The following SMARCA1 variants were observed in gnomAD, a reference collection of about 807,000 sequenced individuals.
SMARCA1 encodes SWI/SNF-related matrix-associated actin-dependent regulator of chromatin subfamily A member 1.
In SMARCA1, 17 loss-of-function variants were observed where a neutral mutation model predicts 93.6. The observed-to-expected ratio is 0.18, with a 90% CI of 0.12 to 0.27. SMARCA1 has a LOEUF of 0.27. Among genes scored for constraint, SMARCA1 ranks in the 10% least tolerant of loss-of-function variants. SMARCA1 has a pLI of 1.00. For synonymous variants in SMARCA1, 271 were observed against 271.4 expected, an observed-to-expected ratio of 1.00 and a Z score of 0.01; for missense variants, 630 against 819.0, an observed-to-expected ratio of 0.77 and a Z score of 2.82.
intron 23 of SMARCA1, among the ~76,000 whole-genome samples, chrX:129,461,151 G>A (rs908028149): frequency 9.0e-6 from 1 of 111,038 alleles, no homozygotes; most frequent in Non-Finnish European, 1.9e-5. Flanking sequence ...ACTAATACTC[G>A]GATTCAACTC....
chrX:129,459,368 G>A (rs977518498), intron 23 of SMARCA1, among the ~76,000 whole-genome samples: 2 of 112,014 alleles, frequency 1.8e-5, no homozygotes, highest in Admixed American at 9.4e-5. Flanking sequence ...GCAGTGAACC[G>A]AGATTATGCC....
chrX:129,460,813 T>C (rs1289457626), intron 23 of SMARCA1, among the ~76,000 whole-genome samples: 1 of 112,009 alleles, frequency 8.9e-6, no homozygotes, highest in Admixed American at 9.5e-5. Context: ...CTGACTGGAC[T>C]GATAATTTAT....
At chrX:129,473,968 TAAAC>T (rs1431184341) in intron 19 of SMARCA1, among the ~76,000 whole-genome samples, 2 of 111,896 alleles carry the variant, frequency 1.8e-5, no homozygotes, top group African/African-American at 6.5e-5. Context: ...TAAAAAATCA[TAAAC>T]AAAATATGAC....
intron 20 of SMARCA1, 77 bp downstream of exon 20, chrX:129,471,127 C>A (rs1335723105): frequency 4.7e-6 from 4 of 848,780 alleles, no homozygotes; most frequent in Non-Finnish European, 5.0e-6. Flanking sequence ...TAGGCCCATA[C>A]AATAAAAAGT....
intron 9 of SMARCA1, among the ~76,000 whole-genome samples, chrX:129,501,209 T>C: frequency 8.9e-6 from 1 of 112,225 alleles, no homozygotes; most frequent in African/African-American, 3.2e-5. Context: ...GACTAGCTGT[T>C]GTGAGCCTAG....
chrX:129,456,339 C>A (rs1932621482), intron 23 of SMARCA1, among the ~76,000 whole-genome samples: 1 of 111,763 alleles, frequency 8.9e-6, no homozygotes, highest in Non-Finnish European at 1.9e-5. Context: ...CACCTGGCCA[C>A]CCAAGAGTTC....
chrX:129,506,735 A>G (rs755092410), intron 7 of SMARCA1, among the ~76,000 whole-genome samples: 2 of 105,851 alleles, frequency 1.9e-5, no homozygotes, highest in Non-Finnish European at 3.9e-5. Context: ...TGCAGATCAT[A>G]TTTATACCTG....
intron 20 of SMARCA1, 79 bp downstream of exon 20, chrX:129,471,125 T>C (rs1933099740): frequency 1.9e-5 from 16 of 835,095 alleles, no homozygotes; most frequent in Admixed American, 6.1e-5. Context: ...ACTAGGCCCA[T>C]ACAATAAAAA....
chrX:129,477,271 T>G (rs1447307129), intron 19 of SMARCA1, among the ~76,000 whole-genome samples: 1 of 111,839 alleles, frequency 8.9e-6, no homozygotes, highest in African/African-American at 3.3e-5. Flanking sequence ...AATGTAAATC[T>G]GGGCTGGGCG....
chrX:129,498,599 T>C (rs902886075), intron 10 of SMARCA1, among the ~76,000 whole-genome samples: 8 of 111,363 alleles, frequency 7.2e-5, no homozygotes, highest in African/African-American at 2.6e-4. Context: ...TTATACGAAT[T>C]ATGCCACTAA....
intron 9 of SMARCA1, among the ~76,000 whole-genome samples, chrX:129,503,339 C>A (rs1934638356): frequency 8.9e-6 from 1 of 112,228 alleles, no homozygotes; most frequent in African/African-American, 3.2e-5. Context: ...ACAGAGATGT[C>A]CACTCTGCTA....
rs773890313 is a variant in SMARCA1 at position 129,497,390 on chromosome X, T to C, written c.1504+455A>G. ...AAGGCATGGTTTAAAATACCGTTCATAATTTGGCTCCATCCATCTTTCCAG... is the reference window on the plus strand; with the variant it reads ...AAGGCATGGTTTAAAATACCGTTCACAATTTGGCTCCATCCATCTTTCCAG... On this transcript the variant is annotated intron_variant, in intron 11 of 24. Coordinates refer to ENST00000371121, the MANE Select transcript of SMARCA1 (RefSeq NM_001282874.2). 1.2e-4 allele frequency among the ~76,000 whole-genome samples: 13 copies of C among 111,859 alleles called. No individual in the cohort carries two copies. The South Asian group carries it at 4.9e-3, about 42-fold the overall frequency.
chrX:129,481,668 A>G (rs769452862), intron 17 of SMARCA1, among the ~76,000 whole-genome samples: 41 of 111,768 alleles, frequency 3.7e-4, no homozygotes, highest in Non-Finnish European at 7.2e-4. Context: ...CAATCATTGA[A>G]AAGTCAGGAA....
chrX:129,458,316 G>T lies in SMARCA1; in HGVS notation c.3030+7204C>A, dbSNP rs181456796. On this transcript the variant is annotated intron_variant, in intron 23 of 24. Transcript: ENST00000371121. ...GCTTTCAGGCCACACAAAAACAGGT[G>T]GGGGGCCACAGTTTCCAAGTCCTGT... 2.9e-4 allele frequency among the ~76,000 whole-genome samples: 33 copies of T among 112,297 alleles called. No homozygotes were observed. The East Asian group carries it at 8.9e-3, about 30-fold the overall frequency.
At chrX:129,472,426 TG>T (rs1404250561) in intron 19 of SMARCA1, among the ~76,000 whole-genome samples, 1 of 111,031 alleles carries the variant, frequency 9.0e-6, no homozygotes, top group African/African-American at 3.3e-5. Flanking sequence ...CACATTAGAG[TG>T]CATTTTTCTC....
In SMARCA1 at chrX:129,504,549, T is replaced by TAAAAAAAAAAAAAAAAAAAAAAA. The variant is rs780225300; in HGVS notation, c.1167+162_1167+184dup. ...GAGAGAGGCTGAGGACATAGAGGAATAAAAAAAAAAAAAAAAAAAAAAAAA... is the reference window on the plus strand; with the variant it reads ...GAGAGAGGCTGAGGACATAGAGGAATAAAAAAAAAAAAAAAAAAAAAAAAAAAAAAAAAAAAAAAAAAAAAAAA... On this transcript the variant is annotated intron_variant, in intron 9 of 24. Transcript: ENST00000371121. 2.1e-4 allele frequency among the ~76,000 whole-genome samples: 5 copies of TAAAAAAAAAAAAAAAAAAAAAAA among 24,214 alleles called. 1 individual carries two copies. The highest frequency in any genetic ancestry group is 7.1e-4 in the African/African-American group (5 of 7,010). The allele number at this position is 24,214 out of a possible 115,157, so 21.0% of individuals were successfully genotyped here.
chrX:129,490,188 C>T lies in SMARCA1; in HGVS notation c.1820G>A (p.Arg607Gln). ...TTTCTTCTGACCAATACGATGTGCTCGATCCTAGTAGAAAGAGTTCTAATG... is the reference window on the plus strand; with the variant it reads ...TTTCTTCTGACCAATACGATGTGCTTGATCCTAGTAGAAAGAGTTCTAATG... Reference protein sequence around the residue: ...NPQVDLQAMDRAHRIGQKKPV... With the variant: ...NPQVDLQAMDQAHRIGQKKPV... The change falls in exon 15 of 25, where the codon CGA becomes CAA. Residue 607 changes from arginine (R) to glutamine (Q), a missense_variant. By Grantham distance (43) the Arg-to-Gln change is conservative. This residue lies in a region of SMARCA1 where 382 missense variants were observed against 537.9 expected (regional missense o/e 0.71). Transcript: ENST00000371121. The T allele has an allele frequency of 8.5e-7, 1 of 1,182,643 alleles. No individual in the cohort carries two copies. The highest frequency in any genetic ancestry group is 1.1e-6 in the Non-Finnish European group (1 of 875,515).
At chrX:129,453,103 C>A (rs1456561511) in intron 23 of SMARCA1, among the ~76,000 whole-genome samples, 1 of 111,634 alleles carries the variant, frequency 9.0e-6, no homozygotes, top group Non-Finnish European at 1.9e-5. Flanking sequence ...ATTCCCCCAA[C>A]TCTCTCCCTC....
chrX:129,463,266 C>T (rs923616678), intron 23 of SMARCA1, among the ~76,000 whole-genome samples: 2 of 111,412 alleles, frequency 1.8e-5, no homozygotes, highest in African/African-American at 6.5e-5. Flanking sequence ...ATGTATAAAA[C>T]CCCAAATGGC....
Sources: gnomAD v4.1 joint callset for allele counts (sites outside exome capture counted in the v4.1 genomes callset) on GRCh38, gnomAD v4.1.1 for gene constraint, gnomAD v4.1.1 regional missense constraint, MANE v1.5 for transcripts, NCBI Gene and HGNC (gene_info 2026-07-23, HGNC 2026-07-21) for gene names.